The following FHL2 variants were observed in gnomAD, a reference collection of about 807,000 sequenced individuals.
FHL2 encodes four and a half LIM domains protein 2.
A neutral mutation model predicts 32.7 loss-of-function variants in FHL2; 20 were observed. That is an observed-to-expected ratio of 0.61 (90% CI 0.43 to 0.89). The LOEUF (loss-of-function observed/expected upper bound fraction) is 0.89, where lower values mean the gene tolerates loss of function less well. Ranked by LOEUF, FHL2 falls within the 40% of genes least tolerant of loss-of-function variation. The probability of loss-of-function intolerance (pLI) is 0.00; values close to 1 mark genes in which losing one functional copy is unlikely to be tolerated. For synonymous variants in FHL2, 123 were observed against 128.1 expected (o/e 0.96, Z 0.27); for missense variants, 311 against 358.6 (o/e 0.87, Z 1.07).
At chr2:105,407,504 A>G (rs932272525) in intron 1 of FHL2, among the ~76,000 whole-genome samples, 2 of 151,938 alleles carry the variant, frequency 1.3e-5, no homozygotes, top group Admixed American at 6.6e-5. Context: ...CCCATTTCCC[A>G]TTTAGGCAGT....
intron 1 of FHL2, among the ~76,000 whole-genome samples, chr2:105,416,970 C>A (rs1001988363): frequency 6.6e-6 from 1 of 152,216 alleles, no homozygotes; most frequent in Non-Finnish European, 1.5e-5. Flanking sequence ...GAAGAAACAT[C>A]TTGTTGAACT....
upstream of FHL2, among the ~76,000 whole-genome samples, chr2:105,403,002 T>A (rs894107325): frequency 2.6e-5 from 4 of 152,236 alleles, no homozygotes; most frequent in African/African-American, 9.6e-5. Context: ...ACTACTATGA[T>A]CTCCAGTAAC....
chr2:105,382,343 G>A (rs960822617), intron 3 of FHL2, among the ~76,000 whole-genome samples: 3 of 152,190 alleles, frequency 2.0e-5, no homozygotes, highest in East Asian at 3.8e-4. Context: ...CATCTGGCCC[G>A]AGAGTCACAT....
chr2:105,417,311 G>A (rs1683962254), intron 1 of FHL2, among the ~76,000 whole-genome samples: 1 of 151,842 alleles, frequency 6.6e-6, no homozygotes, highest in African/African-American at 2.4e-5. Flanking sequence ...GAACCCAGGA[G>A]GCAGAGGTTG....
intron 5 of FHL2, 122 bp downstream of exon 5, chr2:105,367,448 C>A (rs1483441431): frequency 2.0e-6 from 2 of 989,348 alleles, no homozygotes; most frequent in East Asian, 4.9e-5. Flanking sequence ...GCAGGACAGG[C>A]ACAGCTCCCA....
At chr2:105,423,023 T>C (rs987389479) in intron 1 of FHL2, among the ~76,000 whole-genome samples, 48 of 152,224 alleles carry the variant, frequency 3.2e-4, no homozygotes, top group African/African-American at 8.9e-4. Flanking sequence ...TCCCTCATAG[T>C]GGAAAGCAAG....
At chr2:105,395,524 G>T (rs950648774) in intron 2 of FHL2, among the ~76,000 whole-genome samples, 30 of 152,202 alleles carry the variant, frequency 2.0e-4, no homozygotes, top group African/African-American at 7.0e-4. Context: ...ATGAATGACT[G>T]GCCACCTCCT....
At chr2:105,410,849 C>T (rs1683767597) in intron 1 of FHL2, among the ~76,000 whole-genome samples, 1 of 152,132 alleles carries the variant, frequency 6.6e-6, no homozygotes, top group Non-Finnish European at 1.5e-5. Flanking sequence ...CAGTGCTGGA[C>T]CTTGGAGGTT....
intron 5 of FHL2, among the ~76,000 whole-genome samples, chr2:105,365,920 T>C (rs1680598830): frequency 7.3e-5 from 11 of 151,694 alleles, no homozygotes; most frequent in Admixed American, 7.2e-4. Flanking sequence ...AAAGAACAAA[T>C]GGGGCCAGGC....
chr2:105,367,582 AAC>A lies in FHL2; in HGVS notation c.487_488del (p.Val163SerfsTer42), dbSNP rs1359406322. 3 of 1,613,432 alleles carry A rather than the reference AAC, an allele frequency of 1.9e-6. No individual in the cohort carries two copies. The highest frequency in any genetic ancestry group is 2.5e-6 in the Non-Finnish European group (3 of 1,179,648). On this transcript the variant is annotated frameshift_variant, in exon 5 of 7. Transcript: ENST00000530340. LOFTEE classifies it high-confidence loss of function. ...GCATCTGAGATACCTTTTTGCACTGAACGCACTGCATGGCATGTTGTTTCTCA... is the reference window on the plus strand; with the variant it reads ...GCATCTGAGATACCTTTTTGCACTGAGCACTGCATGGCATGTTGTTTCTCA... Reference protein sequence around the residue: ...CYEKQHAMQCVQCKKPITTGG... With the variant: ...CYEKQHAMQCXQCKKPITTGG...
chr2:105,389,258 G>C (rs1442202028), intron 2 of FHL2, among the ~76,000 whole-genome samples: 1 of 152,176 alleles, frequency 6.6e-6, no homozygotes, highest in African/African-American at 2.4e-5. Flanking sequence ...TTATTCTGAA[G>C]CCCAACGTAT....
chr2:105,427,447 C>G (rs949773716), intron 1 of FHL2, among the ~76,000 whole-genome samples: 8 of 152,164 alleles, frequency 5.3e-5, no homozygotes, highest in African/African-American at 1.9e-4. Flanking sequence ...GAGAGAGTGT[C>G]TTGTGAACAT....
chr2:105,424,191 A>G (rs1230733004), intron 1 of FHL2, among the ~76,000 whole-genome samples: 7 of 152,224 alleles, frequency 4.6e-5, no homozygotes, highest in Non-Finnish European at 1.0e-4. Flanking sequence ...GAAAAAACAA[A>G]CAACCCCATC....
intron 3 of FHL2, among the ~76,000 whole-genome samples, chr2:105,380,338 A>T (rs1681798311): frequency 6.6e-6 from 1 of 152,080 alleles, no homozygotes; most frequent in Non-Finnish European, 1.5e-5. Flanking sequence ...ACCTGTGAAG[A>T]CCTAGTGCCA....
chr2:105,396,412 C>T (rs777115111), intron 2 of FHL2, among the ~76,000 whole-genome samples: 3 of 152,180 alleles, frequency 2.0e-5, no homozygotes, highest in Non-Finnish European at 4.4e-5. Context: ...TCTATTCAGG[C>T]CTTCAACTGT....
intron 2 of FHL2, among the ~76,000 whole-genome samples, chr2:105,389,413 T>C (rs905180614): frequency 3.9e-5 from 6 of 152,222 alleles, no homozygotes; most frequent in African/African-American, 1.4e-4. Context: ...TTCCAACATA[T>C]ATGTTTTTCC....
At chr2:105,398,495 T>C (rs1473128906) in intron 1 of FHL2, among the ~76,000 whole-genome samples, 1 of 152,102 alleles carries the variant, frequency 6.6e-6, no homozygotes, top group Non-Finnish European at 1.5e-5. Flanking sequence ...GCGGACAGCG[T>C]CACCTCCCCG....
In FHL2 at chr2:105,382,693, AT is replaced by A. The variant is rs145881513; in HGVS notation, c.156+3667del. On this transcript the variant is annotated intron_variant, in intron 3 of 6. Transcript: ENST00000530340. ...TGCAGATCTTTTGTTCTTGTTTATT[AT>A]TTTTTTTTTCTCTTTGTAGCACCCT... Among the ~76,000 whole-genome samples the A allele has an allele frequency of 7.9e-3, 1,184 of 149,566 alleles. 13 individuals carry two copies. Among genetic ancestry groups the A allele is most frequent in the African/African-American group, 0.027 (1,108 of 40,856 alleles).
intron 3 of FHL2, chr2:105,377,720 G>A (rs1028756412): frequency 2.3e-5 from 5 of 220,580 alleles, no homozygotes; most frequent in Admixed American, 1.1e-4. Context: ...CTGTGCAGGC[G>A]AGCCACCTCA....
Sources: gnomAD v4.1 joint callset for allele counts (sites outside exome capture counted in the v4.1 genomes callset) on GRCh38, gnomAD v4.1.1 for gene constraint, MANE v1.5 for transcripts, NCBI Gene and HGNC (gene_info 2026-07-23, HGNC 2026-07-21) for gene names.